The following ARIH1 variants were observed in gnomAD, a reference collection of about 807,000 sequenced individuals.
ARIH1 encodes the protein ariadne RBR E3 ubiquitin protein ligase 1.
A neutral mutation model predicts 85.0 loss-of-function variants in ARIH1; 8 were observed. That is an observed-to-expected ratio of 0.09 (90% CI 0.06 to 0.17). The LOEUF (loss-of-function observed/expected upper bound fraction) is 0.17. Ranked by LOEUF, ARIH1 falls within the 10% of genes least tolerant of loss-of-function variation. The probability of loss-of-function intolerance (pLI) is 1.00; values close to 1 mark genes in which losing one functional copy is unlikely to be tolerated. For synonymous variants in ARIH1, 238 were observed against 253.6 expected, an observed-to-expected ratio of 0.94 and a Z score of 0.59; for missense variants, 311 against 718.1, an observed-to-expected ratio of 0.43 and a Z score of 6.48.
chr15:72,495,131 T>C (rs548834723), intron 1 of ARIH1, among the ~76,000 whole-genome samples: 33 of 152,268 alleles, frequency 2.2e-4, no homozygotes, highest in African/African-American at 7.7e-4. Flanking sequence ...ATAGCCCTTA[T>C]ACTGTGTGGT....
At chr15:72,510,379 C>CT (rs1243872014) in intron 1 of ARIH1, among the ~76,000 whole-genome samples, 12 of 152,010 alleles carry the variant, frequency 7.9e-5, no homozygotes, top group Non-Finnish European at 1.5e-4. Context: ...CAAACATTTT[C>CT]TTTAAGTTTT....
intron 2 of ARIH1, among the ~76,000 whole-genome samples, chr15:72,533,776 A>G (rs1229542502): frequency 1.3e-5 from 2 of 152,036 alleles, no homozygotes; most frequent in Non-Finnish European, 2.9e-5. Flanking sequence ...GCATGGTGGC[A>G]TCTGCTTGTA....
At chr15:72,559,909 A>AT (rs1393099499) in intron 5 of ARIH1, among the ~76,000 whole-genome samples, 2 of 152,090 alleles carry the variant, frequency 1.3e-5, no homozygotes, top group South Asian at 2.1e-4. Flanking sequence ...GGACATTTCC[A>AT]TTTTTTACGG....
chr15:72,516,092 G>A (rs1331213863), intron 1 of ARIH1, among the ~76,000 whole-genome samples: 2 of 152,140 alleles, frequency 1.3e-5, no homozygotes, highest in Non-Finnish European at 2.9e-5. Flanking sequence ...TAACAGATTT[G>A]GGAACTTGTG....
At chr15:72,543,020 C>A (rs1023039770) in intron 2 of ARIH1, among the ~76,000 whole-genome samples, 63 of 150,936 alleles carry the variant, frequency 4.2e-4, no homozygotes, top group African/African-American at 1.5e-3. Flanking sequence ...TGCAACCTTG[C>A]CTCCTGGATT....
At chr15:72,481,242 G>A (rs914844331) in intron 1 of ARIH1, among the ~76,000 whole-genome samples, 2 of 152,168 alleles carry the variant, frequency 1.3e-5, no homozygotes, top group Non-Finnish European at 2.9e-5. Flanking sequence ...CAAACTCTGG[G>A]GATGGGGTCT....
rs2064374936 is a variant in ARIH1, at chr15:72,599,527, A to G, written c.*16235A>G. 6.6e-6 allele frequency: 1 copy of G among 151,314 alleles called. No homozygotes were observed. The highest frequency in any genetic ancestry group is 2.4e-5 in the African/African-American group (1 of 41,112). 9.4% of individuals were successfully genotyped at this position (151,314 alleles called of 1,614,324 possible). A position where few individuals can be genotyped will look rare whatever the true frequency, so the allele number is the denominator to read the frequency against. ...TCAATATCTCTTCCTTTTATTTTTT[A>G]TTTTTTGTAGAGACAGGGGTCTCAC... On this transcript the variant is annotated 3_prime_UTR_variant, in exon 14 of 14. Transcript: ENST00000379887.
chr15:72,582,055 T>C lies in ARIH1; in HGVS notation c.1477-20T>C, dbSNP rs2064297268. On this transcript the variant is annotated intron_variant, in intron 12 of 13. Transcript: ENST00000379887. This position sits in a 1 kb window ranked among gnomAD's most constrained non-coding sequence, Gnocchi z 4.6. Reference sequence around the variant, plus strand: ...TTAGCTTTATTTTGAAGCCAAAATTTACTTTCATTCTTCTTACAGAATAAC... The same window carrying C: ...TTAGCTTTATTTTGAAGCCAAAATTCACTTTCATTCTTCTTACAGAATAAC... 1 of 1,558,300 alleles carries C rather than the reference T, an allele frequency of 6.4e-7. No individual in the cohort carries two copies. Among genetic ancestry groups the C allele is most frequent in the South Asian group, 1.1e-5 (1 of 87,682 alleles).
chr15:72,481,057 G>C (rs2063814625), intron 1 of ARIH1, among the ~76,000 whole-genome samples: 1 of 152,200 alleles, frequency 6.6e-6, no homozygotes, highest in South Asian at 2.1e-4. Flanking sequence ...GAGGAAGAGG[G>C]TGTACAAGCC....
intron 11 of ARIH1, 37 bp downstream of exon 11, chr15:72,572,202 A>AAT: frequency 7.1e-7 from 1 of 1,411,560 alleles, no homozygotes; most frequent in Non-Finnish European, 9.9e-7. Flanking sequence ...GTTGACTAAG[A>AAT]ATGCACGTTG....
In ARIH1 at chr15:72,474,851, G is replaced by C; in HGVS notation, c.212G>C (p.Gly71Ala). The C allele has an allele frequency of 2.9e-6, 4 of 1,374,824 alleles. No individual in the cohort carries two copies. The highest frequency in any genetic ancestry group is 3.8e-6 in the Non-Finnish European group (4 of 1,065,008). 85.2% of individuals were successfully genotyped at this position (1,374,824 alleles called of 1,614,324 possible). ...LLCGETGGGG[G>A]SALGPGGGGG... ...TGCGGGGAGACGGGCGGTGGCGGCG[G>C]CAGCGCTCTGGGGCCCGGCGGTGGC... The change falls in exon 1 of 14, where the codon GGC becomes GCC. Residue 71 changes from glycine to alanine, a missense_variant. Transcript: ENST00000379887.
chr15:72,507,285 A>G (rs1482230402), intron 1 of ARIH1, among the ~76,000 whole-genome samples: 1 of 152,034 alleles, frequency 6.6e-6, no homozygotes, highest in Non-Finnish European at 1.5e-5. Context: ...TGGCCTCCCA[A>G]AGTGCTGGGA....
At chr15:72,528,783 A>C (rs1356266326) in intron 2 of ARIH1, among the ~76,000 whole-genome samples, 1 of 152,070 alleles carries the variant, frequency 6.6e-6, no homozygotes, top group Non-Finnish European at 1.5e-5. Context: ...GGAGCCCAGG[A>C]GGGTGGAGCT....
At chr15:72,555,753 C>CCTGTAAAGG in intron 4 of ARIH1, 99 bp from the exon 5 acceptor site, 1 of 944,614 alleles carries the variant, frequency 1.1e-6, no homozygotes, top group Non-Finnish European at 1.7e-6. Context: ...ATCCTGTAAA[C>CCTGTAAAGG]ATTAAGGTAT....
At chr15:72,475,311 T>G (rs1595845561) in intron 1 of ARIH1, 1 of 447,540 alleles carries the variant, frequency 2.2e-6, no homozygotes, top group Non-Finnish European at 3.7e-6. Flanking sequence ...CTGGGCCGGG[T>G]GTCCTTTCTC....
intron 1 of ARIH1, among the ~76,000 whole-genome samples, chr15:72,499,336 G>A (rs1390199773): frequency 6.6e-6 from 1 of 151,244 alleles, no homozygotes; most frequent in East Asian, 1.9e-4. Flanking sequence ...AAAAAAAAAA[G>A]CAATACATGC....
rs574380843 is a variant in ARIH1 at position 72,575,809 on chromosome 15, C to G, written c.1215+3644C>G. ...ATATTTTCAGATTGGCATAATTTTCCTGTTCATAAGCATTGGTTTGATACT... is the reference window on the plus strand; with the variant it reads ...ATATTTTCAGATTGGCATAATTTTCGTGTTCATAAGCATTGGTTTGATACT... On this transcript the variant is annotated intron_variant, in intron 11 of 13. Transcript: ENST00000379887. Among the ~76,000 whole-genome samples, 689 of 152,224 alleles carry G rather than the reference C, an allele frequency of 4.5e-3. 3 individuals are homozygous for G. Among genetic ancestry groups the G allele is most frequent in the Non-Finnish European group, 7.1e-3 (486 of 68,014 alleles).
intron 2 of ARIH1, among the ~76,000 whole-genome samples, chr15:72,525,986 C>A (rs1200572800): frequency 2.0e-5 from 3 of 152,054 alleles, no homozygotes; most frequent in Non-Finnish European, 4.4e-5. Context: ...ATATGGTAAT[C>A]CTGTAGGTAT....
At chr15:72,540,684 T>C (rs531951295) in intron 2 of ARIH1, among the ~76,000 whole-genome samples, 18 of 152,274 alleles carry the variant, frequency 1.2e-4, no homozygotes, top group Admixed American at 1.2e-3. Context: ...CCAAGCCACA[T>C]GTAGTGGTGT....
Sources: allele counts gnomAD v4.1 joint callset (sites outside exome capture counted in the v4.1 genomes callset), GRCh38; gene constraint gnomAD v4.1.1; non-coding constraint Gnocchi (gnomAD v3.1); transcripts MANE v1.5; gene names NCBI Gene and HGNC (gene_info 2026-07-23, HGNC 2026-07-21).